Variants in CYP3A7 observed in about 807,000 individuals in gnomAD.
The protein encoded by CYP3A7 is cytochrome P450 family 3 subfamily A member 7.
In CYP3A7, 45 loss-of-function variants were observed where a neutral mutation model predicts 55.2. The observed-to-expected ratio is 0.82, with a 90% CI of 0.64 to 1.05. The LOEUF is 1.05. CYP3A7 is among the 50% of genes least tolerant of loss of function. The pLI is 0.00. For synonymous variants in CYP3A7, 180 were observed against 207.4 expected, an observed-to-expected ratio of 0.87 and a Z score of 1.13; for missense variants, 548 against 605.3, an observed-to-expected ratio of 0.91 and a Z score of 0.99.
intron 2 of CYP3A7, among the ~76,000 whole-genome samples, chr7:99,728,109 C>A (rs1056097557): frequency 6.6e-6 from 1 of 152,182 alleles, no homozygotes; most frequent in Non-Finnish European, 1.5e-5. Flanking sequence ...TTTACTCTCC[C>A]ACTGAAGTTT....
Position 99,717,059 on chromosome 7 carries a change from C to A in CYP3A7, c.521+118G>T, listed in dbSNP as rs566676634. 4.9e-5 allele frequency: 63 copies of A among 1,276,098 alleles called. No homozygotes were observed. In the South Asian group the frequency reaches 7.1e-4, roughly 14 times the overall value. 79.0% of individuals were successfully genotyped at this position (1,276,098 alleles called of 1,614,324 possible). On this transcript the variant is annotated intron_variant, in intron 6 of 12. Coordinates refer to ENST00000336374, the MANE Select transcript of CYP3A7 (RefSeq NM_000765.5). Reference sequence around the variant, plus strand: ...GGGAGACCCATTGAAGTTGCATTACCACAGCCCTCCTTTTGTCTGGTCACT... The same window carrying A: ...GGGAGACCCATTGAAGTTGCATTACAACAGCCCTCCTTTTGTCTGGTCACT...
chr7:99,728,254 C>T (rs1814489051), intron 2 of CYP3A7, among the ~76,000 whole-genome samples: 1 of 152,148 alleles, frequency 6.6e-6, no homozygotes, highest in African/African-American at 2.4e-5. Flanking sequence ...GCAACTAGCC[C>T]CCTCCTAGAA....
At position 99,717,392 on chromosome 7, in the gene CYP3A7, C is replaced by T. The variant is rs1672639492; in HGVS notation, c.433-127G>A. ...TGAATTTTATGATGTGTTTTCTGTA[C>T]ATAAAAAGACTATTTTTAGGAAGCT... On this transcript the variant is annotated intron_variant, in intron 5 of 12. Transcript: ENST00000336374. 5 of 1,591,598 alleles carry T rather than the reference C, an allele frequency of 3.1e-6. No homozygotes were observed. The South Asian group carries it at 5.6e-5, about 18-fold the overall frequency.
intron 4 of CYP3A7, among the ~76,000 whole-genome samples, chr7:99,718,035 A>C (rs975498604): frequency 6.6e-6 from 1 of 152,076 alleles, no homozygotes; most frequent in African/African-American, 2.4e-5. Context: ...CATGAAAAAG[A>C]GGTGCCTTGA....
intron 12 of CYP3A7, among the ~76,000 whole-genome samples, chr7:99,706,725 C>G (rs1278461110): frequency 6.6e-6 from 1 of 152,242 alleles, no homozygotes; most frequent in Admixed American, 6.5e-5. Context: ...AGCACACACA[C>G]ATGCAAATAC....
intron 2 of CYP3A7, among the ~76,000 whole-genome samples, chr7:99,725,039 T>C (rs1030667235): frequency 6.6e-6 from 1 of 152,028 alleles, no homozygotes; most frequent in Non-Finnish European, 1.5e-5. Flanking sequence ...CCATTGGCAG[T>C]ACAAGATGGA....
In CYP3A7 at chr7:99,717,426, G is replaced by T. The variant is rs1814001506; in HGVS notation, c.432+100C>A. On this transcript the variant is annotated intron_variant, in intron 5 of 12. Coordinates refer to ENST00000336374, the MANE Select transcript of CYP3A7 (RefSeq NM_000765.5). Reference sequence around the variant, plus strand: ...ACTATTTTTAGGAAGCTCAAATTCAGCAGACTACTCCTCGGAAAGGAACTC... The same window carrying T: ...ACTATTTTTAGGAAGCTCAAATTCATCAGACTACTCCTCGGAAAGGAACTC... 1.9e-6 allele frequency: 3 copies of T among 1,582,188 alleles called. No individual in the cohort carries two copies. The South Asian group carries it at 3.4e-5, about 18-fold the overall frequency.
At chr7:99,730,374 C>A (rs1367592142) in intron 2 of CYP3A7, among the ~76,000 whole-genome samples, 1 of 152,200 alleles carries the variant, frequency 6.6e-6, no homozygotes, top group Non-Finnish European at 1.5e-5. Context: ...TCAGTTACAT[C>A]CACTCCCTGC....
At chr7:99,723,037 C>T (rs45620732) in intron 2 of CYP3A7, among the ~76,000 whole-genome samples, 6,570 of 141,938 alleles carry the variant, frequency 0.046, 452 homozygotes, top group African/African-American at 0.15. Context: ...TAAAAAAAAA[C>T]CTTCCTGTTT....
At chr7:99,710,928 G>A (rs754981623) in intron 9 of CYP3A7, 36 bp from the exon 10 acceptor site, 60 of 1,613,040 alleles carry the variant, frequency 3.7e-5, no homozygotes, top group Non-Finnish European at 4.6e-5. Context: ...GGTAAATCAG[G>A]TCAATGTAGG....
intron 1 of CYP3A7, among the ~76,000 whole-genome samples, chr7:99,732,032 G>A (rs1174405628): frequency 2.6e-5 from 4 of 152,128 alleles, no homozygotes; most frequent in Admixed American, 2.0e-4. Flanking sequence ...CTGAATCTGT[G>A]CCCCTACCCA....
chr7:99,708,628 G>C (rs1813616256), intron 11 of CYP3A7, among the ~76,000 whole-genome samples: 1 of 152,064 alleles, frequency 6.6e-6, no homozygotes, highest in African/African-American at 2.4e-5. Context: ...TCTATCTGTT[G>C]CACTAACCTA....
At chr7:99,709,390 C>A in intron 10 of CYP3A7, 129 bp from the exon 11 acceptor site, 1 of 1,399,590 alleles carries the variant, frequency 7.1e-7, no homozygotes, top group Non-Finnish European at 9.8e-7. Context: ...TTGTAGCATT[C>A]ATAAAGTATT....
intron 2 of CYP3A7, among the ~76,000 whole-genome samples, chr7:99,724,748 C>A (rs181180498): frequency 1.8e-4 from 27 of 152,304 alleles, no homozygotes; most frequent in African/African-American, 6.5e-4. Flanking sequence ...GAGCTGAAGG[C>A]ATAGTCAAGG....
intron 2 of CYP3A7, chr7:99,730,836 C>T: frequency 1.9e-6 from 1 of 527,904 alleles, no homozygotes; most frequent in Non-Finnish European, 3.4e-6. Flanking sequence ...ATTGCTGGAT[C>T]TACTTGACAT....
At chr7:99,708,416 G>A (rs959993793) in intron 11 of CYP3A7, among the ~76,000 whole-genome samples, 1 of 151,852 alleles carries the variant, frequency 6.6e-6, no homozygotes, top group Non-Finnish European at 1.5e-5. Context: ...TTCTCCTCTC[G>A]TCTCTTGTTT....
At position 99,715,849 on chromosome 7, in the gene CYP3A7, G is replaced by A. The variant is rs572848308; in HGVS notation, c.579C>T (p.Ile193=). 5 of 1,613,872 alleles carry A rather than the reference G, an allele frequency of 3.1e-6. No individual in the cohort carries two copies. In the African/African-American group the frequency reaches 4.0e-5, roughly 13 times the overall value. ...GGTCTTGTGGATTGTTGAGAGAGTC[G>A]ATGCTCACTCCAAATGATGTGCTAG... The part of the protein sequence containing the change: ...VITSTSFGVS[I]DSLNNPQDPF... Residue 193 remains isoleucine (I), a synonymous_variant, in exon 7 of 13, where the codon ATC becomes ATT. Transcript: ENST00000336374.
chr7:99,718,546 A>G (rs1237908092), intron 4 of CYP3A7, among the ~76,000 whole-genome samples: 1 of 152,218 alleles, frequency 6.6e-6, no homozygotes, highest in Non-Finnish European at 1.5e-5. Context: ...TCCATTTGAT[A>G]AAGAGAATCT....
chr7:99,713,543 C>G lies in CYP3A7; in HGVS notation c.799-8G>C. 1 of 1,613,122 alleles carries G rather than the reference C, an allele frequency of 6.2e-7. No individual in the cohort carries two copies. The highest frequency in any genetic ancestry group is 8.5e-7 in the Non-Finnish European group (1 of 1,179,406). ...AAGGAAATCCACTCGGTGCTAGAAG[C>G]AAAAAGAGAAATTTTATTGACAGAA... is the stretch of plus-strand genomic sequence containing the variant. On this transcript the variant is annotated splice_polypyrimidine_tract_variant and splice_region_variant and intron_variant, in intron 8 of 12. Transcript: ENST00000336374.
Sources: gnomAD v4.1 joint callset for allele counts (sites outside exome capture counted in the v4.1 genomes callset) on GRCh38, gnomAD v4.1.1 for gene constraint, MANE v1.5 for transcripts, NCBI Gene and HGNC (gene_info 2026-07-23, HGNC 2026-07-21) for gene names.